RAD51B: variants seen among roughly 807,000 people sequenced by gnomAD.
RAD51B encodes RAD51 paralog B, also known as DNA repair protein RAD51 homolog 2.
A neutral mutation model predicts 42.2 loss-of-function variants in RAD51B; 38 were observed. The observed-to-expected ratio is 0.90, with a 90% confidence interval of 0.70 to 1.18. The LOEUF is 1.18. Among genes scored for constraint, RAD51B ranks in the 50% most tolerant of loss-of-function variants. RAD51B has a pLI of 0.00. For synonymous variants in RAD51B, 154 were observed against 145.2 expected (o/e 1.06, Z -0.43); for missense variants, 373 against 400.7 (o/e 0.93, Z 0.59).
chr14:68,129,286 G>A (rs1368361116), intron 7 of RAD51B, among the ~76,000 whole-genome samples: 1 of 152,158 alleles, frequency 6.6e-6, no homozygotes, highest in East Asian at 1.9e-4. Context: ...GGCAAACACT[G>A]ATTGCTGAAA....
chr14:68,036,022 C>T (rs1017414656), intron 7 of RAD51B, among the ~76,000 whole-genome samples: 14 of 152,188 alleles, frequency 9.2e-5, no homozygotes, highest in Non-Finnish European at 1.9e-4. Context: ...GCTTATCAAG[C>T]TTTTCCCTGT....
chr14:67,822,722 G>T lies in RAD51B; in HGVS notation c.-2-820G>T, dbSNP rs202102180. 3.0e-3 allele frequency among the ~76,000 whole-genome samples: 456 copies of T among 150,676 alleles called. 12 individuals are homozygous for T. In the East Asian group the frequency reaches 0.074, roughly 25 times the overall value. ...GGGGTGACAGAGCCAGACCTGTCTCGCTCTCTCTCTCTCTCTCTATATATA... is the reference window on the plus strand; with the variant it reads ...GGGGTGACAGAGCCAGACCTGTCTCTCTCTCTCTCTCTCTCTCTATATATA... On this transcript the variant is annotated intron_variant, in intron 1 of 10. Transcript: ENST00000471583.
chr14:68,263,886 A>G (rs187809930), intron 7 of RAD51B, among the ~76,000 whole-genome samples: 13 of 152,362 alleles, frequency 8.5e-5, no homozygotes, highest in Admixed American at 2.6e-4. Context: ...GGTTAAAGGG[A>G]TGCCAAAAAG....
chr14:67,887,721 T>C (rs1195017259), intron 7 of RAD51B, among the ~76,000 whole-genome samples: 1 of 152,200 alleles, frequency 6.6e-6, no homozygotes, highest in Non-Finnish European at 1.5e-5. Context: ...TTAAGAGATG[T>C]TGGAATGATA....
chr14:68,023,538 G>C (rs2075903183), intron 7 of RAD51B, among the ~76,000 whole-genome samples: 1 of 152,108 alleles, frequency 6.6e-6, no homozygotes, highest in African/African-American at 2.4e-5. Flanking sequence ...TGTTGTCCAG[G>C]CTGGTCCTGA....
At chr14:67,820,046 C>T (rs2040573583) in intron 1 of RAD51B, among the ~76,000 whole-genome samples, 193 bp downstream of exon 1, 1 of 152,168 alleles carries the variant, frequency 6.6e-6, no homozygotes, top group South Asian at 2.1e-4. Flanking sequence ...TTCGGGCCTT[C>T]TTTTGGTGGG....
At chr14:68,306,881 C>T (rs550557884) in intron 8 of RAD51B, among the ~76,000 whole-genome samples, 25 of 152,236 alleles carry the variant, frequency 1.6e-4, no homozygotes, top group African/African-American at 5.1e-4. Flanking sequence ...TCTAGAAAGA[C>T]GAGGAGACTC....
chr14:68,186,906 T>C (rs1046871475), intron 7 of RAD51B, among the ~76,000 whole-genome samples: 3 of 152,126 alleles, frequency 2.0e-5, no homozygotes, highest in Non-Finnish European at 4.4e-5. Context: ...AAAAGACACA[T>C]ACATATACTC....
intron 8 of RAD51B, among the ~76,000 whole-genome samples, chr14:68,349,690 G>A (rs1207952747): frequency 6.6e-6 from 1 of 152,126 alleles, no homozygotes; most frequent in African/African-American, 2.4e-5. Context: ...TATCCATGGG[G>A]AGCTTGGTTG....
intron 7 of RAD51B, among the ~76,000 whole-genome samples, chr14:67,947,680 G>A (rs575638666): frequency 1.3e-5 from 2 of 152,256 alleles, no homozygotes; most frequent in Admixed American, 6.5e-5. Flanking sequence ...TGACTTGGGA[G>A]ATGACTTAAG....
chr14:68,197,359 G>A (rs1371111568), intron 7 of RAD51B, among the ~76,000 whole-genome samples: 3 of 151,990 alleles, frequency 2.0e-5, no homozygotes, highest in Non-Finnish European at 4.4e-5. Context: ...TGTATTTTTT[G>A]TTAATTCCTT....
chr14:68,475,138 C>T (rs1377968444), intron 10 of RAD51B, among the ~76,000 whole-genome samples: 1 of 152,134 alleles, frequency 6.6e-6, no homozygotes, highest in African/African-American at 2.4e-5. Flanking sequence ...AGAAGTTATA[C>T]ACATTATTTC....
At chr14:68,554,930 C>T (rs1051496783) in intron 10 of RAD51B, among the ~76,000 whole-genome samples, 1 of 151,680 alleles carries the variant, frequency 6.6e-6, no homozygotes, top group Non-Finnish European at 1.5e-5. Context: ...CTCACTGCAA[C>T]CTCCACCTCC....
At chr14:68,060,503 C>T (rs2076550312) in intron 7 of RAD51B, among the ~76,000 whole-genome samples, 1 of 152,144 alleles carries the variant, frequency 6.6e-6, no homozygotes, top group Admixed American at 6.5e-5. Context: ...TTAATCAAAA[C>T]AGTCATAGTA....
chr14:67,964,036 C>G (rs2074720001), intron 7 of RAD51B, among the ~76,000 whole-genome samples: 2 of 151,866 alleles, frequency 1.3e-5, no homozygotes, highest in Admixed American at 1.3e-4. Flanking sequence ...GAGTGCACAT[C>G]TCCTGACTTT....
At chr14:68,232,368 A>G (rs1482813946) in intron 7 of RAD51B, among the ~76,000 whole-genome samples, 1 of 127,834 alleles carries the variant, frequency 7.8e-6, no homozygotes, top group African/African-American at 2.5e-5. Flanking sequence ...TGGCAAAAAG[A>G]AAAAAAAAGA....
At chr14:67,838,298 G>A (rs767344342) in intron 4 of RAD51B, among the ~76,000 whole-genome samples, 3 of 152,116 alleles carry the variant, frequency 2.0e-5, no homozygotes, top group Non-Finnish European at 2.9e-5. Flanking sequence ...TCATACATGC[G>A]CATGCACATA....
chr14:68,339,650 C>T (rs1409178887), intron 8 of RAD51B: 1 of 202,244 alleles, frequency 4.9e-6, no homozygotes, highest in Admixed American at 5.8e-5. Flanking sequence ...AGGTGAAAAG[C>T]AACAATTTTC....
At chr14:68,240,699 C>G (rs1174558415) in intron 7 of RAD51B, among the ~76,000 whole-genome samples, 2 of 152,202 alleles carry the variant, frequency 1.3e-5, no homozygotes. Context: ...TAATGCCAGA[C>G]TCAAGGACAT....
Sources: allele counts gnomAD v4.1 joint callset (sites outside exome capture counted in the v4.1 genomes callset), GRCh38; gene constraint gnomAD v4.1.1; transcripts MANE v1.5; gene names NCBI Gene and HGNC (gene_info 2026-07-23, HGNC 2026-07-21).